UGT2B4: variants seen among roughly 807,000 people sequenced by gnomAD.
UGT2B4 encodes UDP-glucuronosyltransferase 2B4.
UGT2B4 carries 49 observed loss-of-function variants against 49.8 expected under a neutral mutation model. The observed-to-expected ratio is 0.98, with a 90% CI of 0.78 to 1.25. The LOEUF (loss-of-function observed/expected upper bound fraction) is 1.25. UGT2B4 is among the 50% of genes most tolerant of loss of function. UGT2B4 has a pLI of 0.00. For missense variants in UGT2B4, 729 were observed against 627.7 expected (o/e 1.16, Z -1.73); for synonymous variants, 246 against 217.7 (o/e 1.13, Z -1.14).
intron 1 of UGT2B4, among the ~76,000 whole-genome samples, chr4:69,516,770 G>A (rs1406699720): frequency 6.6e-6 from 1 of 151,932 alleles, no homozygotes; most frequent in Non-Finnish European, 1.5e-5. Flanking sequence ...ACCACGCCTG[G>A]CTAATTTTTG....
At chr4:69,494,119 G>A (rs1728075531) in intron 1 of UGT2B4, among the ~76,000 whole-genome samples, 1 of 152,074 alleles carries the variant, frequency 6.6e-6, no homozygotes, top group South Asian at 2.1e-4. Context: ...ACAAGCCATA[G>A]AGAATTAATC....
chr4:69,515,998 CCT>C (rs1037774012), intron 1 of UGT2B4, among the ~76,000 whole-genome samples: 2 of 152,086 alleles, frequency 1.3e-5, no homozygotes, highest in South Asian at 2.1e-4. Flanking sequence ...TCTCCCTTCC[CCT>C]GTTTCTCCTT....
At chr4:69,508,178 T>TA (rs1423495585) in intron 1 of UGT2B4, among the ~76,000 whole-genome samples, 1 of 151,892 alleles carries the variant, frequency 6.6e-6, no homozygotes, top group African/African-American at 2.4e-5. Flanking sequence ...TGGCTATTAT[T>TA]AAAAAATAAA....
At position 69,485,506 on chromosome 4, in the gene UGT2B4, G is replaced by C. The variant is rs41297429; in HGVS notation, c.1091-79C>G. ...CACAATGGAAGAATCTGAATGTGAC[G>C]GTGTTTCCTAGATAACACACTGAAC... On this transcript the variant is annotated intron_variant, in intron 4 of 5. Transcript: ENST00000305107. The C allele has an allele frequency of 3.8e-6, 6 of 1,571,578 alleles. No individual in the cohort carries two copies. In the Admixed American group the frequency reaches 1.0e-4, roughly 27 times the overall value.
intron 1 of UGT2B4, among the ~76,000 whole-genome samples, chr4:69,515,549 A>G (rs1254890117): frequency 1.3e-5 from 2 of 152,156 alleles, no homozygotes; most frequent in Non-Finnish European, 2.9e-5. Context: ...GCCCACATCA[A>G]AAAGCTGGAA....
chr4:69,525,802 A>G, exon 1 of UGT2B4: 1 of 1,131,686 alleles, frequency 8.8e-7, no homozygotes, highest in Non-Finnish European at 1.2e-6. Flanking sequence ...TTATGTTTAT[A>G]TTAAAGAAAG....
intron 1 of UGT2B4, among the ~76,000 whole-genome samples, chr4:69,513,344 CT>C (rs1457965053): frequency 6.6e-6 from 1 of 151,964 alleles, no homozygotes; most frequent in Non-Finnish European, 1.5e-5. Context: ...ATAGGGAGTC[CT>C]TTCTTTATTA....
At chr4:69,506,504 C>T (rs1728471413) in intron 1 of UGT2B4, among the ~76,000 whole-genome samples, 1 of 152,062 alleles carries the variant, frequency 6.6e-6, no homozygotes, top group African/African-American at 2.4e-5. Flanking sequence ...ATTATATACC[C>T]TCCAAAGACT....
intron 1 of UGT2B4, among the ~76,000 whole-genome samples, chr4:69,519,581 C>G (rs540217892): frequency 6.6e-6 from 1 of 152,278 alleles, no homozygotes; most frequent in East Asian, 1.9e-4. Context: ...CTGTGTCATG[C>G]AAACCTGCCT....
rs776910845 is a variant in UGT2B4, at chr4:69,493,853, A to G, written c.722-12T>C. The stretch of plus-strand genomic sequence containing the variant: ...CGTAGTGGGTCTTCCTGATGGGGGA[A>G]AAAAAAAGAAAAGATAGATGACACA... On this transcript the variant is annotated splice_polypyrimidine_tract_variant and intron_variant, in intron 1 of 5. Transcript: ENST00000305107. 10 of 1,579,606 alleles carry G rather than the reference A, an allele frequency of 6.3e-6. No individual in the cohort carries two copies. The highest frequency in any genetic ancestry group is 2.8e-5 in the African/African-American group (2 of 71,398).
intron 1 of UGT2B4, among the ~76,000 whole-genome samples, chr4:69,494,063 G>A (rs1359499283): frequency 6.6e-6 from 1 of 151,932 alleles, no homozygotes; most frequent in African/African-American, 2.4e-5. Context: ...GAATCATGAG[G>A]GAAAACTGCA....
intron 4 of UGT2B4, 76 bp downstream of exon 4, chr4:69,486,533 G>A (rs1015367473): frequency 6.1e-6 from 6 of 986,594 alleles, no homozygotes; most frequent in Middle Eastern, 2.3e-4. Flanking sequence ...TGTTCAGTAA[G>A]CTTGTTTCAT....
intron 5 of UGT2B4, 101 bp downstream of exon 5, chr4:69,485,107 T>C: frequency 7.2e-7 from 1 of 1,396,550 alleles, no homozygotes; most frequent in African/African-American, 1.5e-5. Context: ...ACTTAAATTC[T>C]TTCGAAATCA....
At chr4:69,519,091 A>C (rs1238431611) in intron 1 of UGT2B4, among the ~76,000 whole-genome samples, 1 of 152,240 alleles carries the variant, frequency 6.6e-6, no homozygotes, top group East Asian at 1.9e-4. Context: ...TGAGAGCAGA[A>C]GCCTACAGAA....
At chr4:69,493,607 TC>T in intron 2 of UGT2B4, 85 bp downstream of exon 2, 1 of 1,451,688 alleles carries the variant, frequency 6.9e-7, no homozygotes, top group Non-Finnish European at 9.1e-7. Flanking sequence ...CCACCTTTCT[TC>T]CAGTGTAAGT....
intron 4 of UGT2B4, among the ~76,000 whole-genome samples, chr4:69,486,100 G>T (rs935843410): frequency 6.6e-6 from 1 of 152,114 alleles, no homozygotes; most frequent in Non-Finnish European, 1.5e-5. Context: ...AGTGTGATAT[G>T]TAGGGTGTGC....
chr4:69,494,520 T>A (rs941420877), intron 1 of UGT2B4, among the ~76,000 whole-genome samples: 1 of 152,164 alleles, frequency 6.6e-6, no homozygotes, highest in African/African-American at 2.4e-5. Flanking sequence ...CAGTTGTAAC[T>A]TAATGTTCAC....
upstream of UGT2B4, among the ~76,000 whole-genome samples, chr4:69,497,689 A>G (rs6821910): frequency 2.8e-3 from 434 of 152,364 alleles, 2 homozygotes; most frequent in African/African-American, 9.9e-3. Flanking sequence ...TTGAGATTGA[A>G]TCTACTCCTG....
At chr4:69,511,406 G>C (rs1306909931) in intron 1 of UGT2B4, among the ~76,000 whole-genome samples, 2 of 152,084 alleles carry the variant, frequency 1.3e-5, no homozygotes, top group East Asian at 3.8e-4. Context: ...CATCTGCCGA[G>C]ATGTTTGTGT....
Sources: allele counts gnomAD v4.1 joint callset (sites outside exome capture counted in the v4.1 genomes callset), GRCh38; gene constraint gnomAD v4.1.1; transcripts MANE v1.5; gene names NCBI Gene and HGNC (gene_info 2026-07-23, HGNC 2026-07-21).